LINGO2: variants seen among roughly 807,000 people sequenced by gnomAD.
LINGO2 encodes leucine rich repeat and Ig domain containing 2, also known as leucine-rich repeat and immunoglobulin-like domain-containing nogo receptor-interacting protein 2.
In LINGO2, 14 loss-of-function variants were observed where a neutral mutation model predicts 30.6. That is an observed-to-expected ratio of 0.46 (90% CI 0.30 to 0.72). The LOEUF (loss-of-function observed/expected upper bound fraction) is 0.72, where lower values mean the gene tolerates loss of function less well. Ranked by LOEUF, LINGO2 falls within the 30% of genes least tolerant of loss-of-function variation. LINGO2 has a pLI of 0.07. For synonymous variants in LINGO2, 317 were observed against 288.5 expected, an observed-to-expected ratio of 1.10 and a Z score of -1.00; for missense variants, 729 against 751.7, an observed-to-expected ratio of 0.97 and a Z score of 0.35.
At chr9:29,026,269 T>C in the LINGO2 span, among the ~76,000 whole-genome samples, 1 of 152,022 alleles carries the variant, frequency 6.6e-6, no homozygotes, top group Non-Finnish European at 1.5e-5. Flanking sequence ...GCTCAAGCAA[T>C]CCTCCCTCCT....
intron 4 of LINGO2, among the ~76,000 whole-genome samples, chr9:28,283,141 G>GA (rs1229781477): frequency 6.6e-6 from 1 of 152,146 alleles, no homozygotes; most frequent in Non-Finnish European, 1.5e-5. Flanking sequence ...CTTAGAGAAA[G>GA]AAAAATCCTA....
chr9:29,039,133 T>C, the LINGO2 span, among the ~76,000 whole-genome samples: 1 of 151,988 alleles, frequency 6.6e-6, no homozygotes, highest in Non-Finnish European at 1.5e-5. Flanking sequence ...GTTCTGAGAG[T>C]TTGAAAGATC....
rs980377144 is a variant in LINGO2, at chr9:28,350,802, T to A, written c.-246+22034A>T. Among the ~76,000 whole-genome samples the A allele has an allele frequency of 6.6e-4, 99 of 151,120 alleles. 1 individual carries two copies. The highest frequency in any genetic ancestry group is 2.2e-3 in the African/African-American group (92 of 41,218). ...AACAGAAATTATAACAAACTATCTC[T>A]CAGACCACAGTGCAATCAAACTAGA... On this transcript the variant is annotated intron_variant, in intron 3 of 5. Transcript: ENST00000379992.
intron 1 of LINGO2, among the ~76,000 whole-genome samples, chr9:28,476,415 A>G (rs991709164): frequency 2.6e-5 from 4 of 152,090 alleles, no homozygotes; most frequent in Non-Finnish European, 5.9e-5. Flanking sequence ...AGCTGGGACT[A>G]CAGGCGCCCG....
At chr9:28,456,275 A>G (rs1824842994) in intron 2 of LINGO2, among the ~76,000 whole-genome samples, 1 of 152,198 alleles carries the variant, frequency 6.6e-6, no homozygotes, top group Non-Finnish European at 1.5e-5. Context: ...ACACAAGGCA[A>G]CTACAGGGTC....
intron 4 of LINGO2, among the ~76,000 whole-genome samples, chr9:28,045,841 A>G (rs1434886912): frequency 2.0e-5 from 3 of 152,230 alleles, no homozygotes. Context: ...AACACTGATT[A>G]TCTCCTAGCT....
At chr9:28,958,359 A>G in the LINGO2 span, among the ~76,000 whole-genome samples, 1 of 152,204 alleles carries the variant, frequency 6.6e-6, no homozygotes, top group East Asian at 1.9e-4. Flanking sequence ...TAATAAGAGT[A>G]TCTAGGCAAA....
chr9:28,467,026 C>G, intron 2 of LINGO2, among the ~76,000 whole-genome samples: 1 of 140,598 alleles, frequency 7.1e-6, no homozygotes, highest in East Asian at 2.2e-4. Context: ...AGCTGACTCT[C>G]TTTTTTTTTG....
intron 3 of LINGO2, among the ~76,000 whole-genome samples, chr9:28,299,138 T>G (rs1231933065): frequency 6.6e-6 from 1 of 152,134 alleles, no homozygotes; most frequent in Admixed American, 6.6e-5. Context: ...ATCTTCCCCG[T>G]GGAGACATGT....
chr9:28,019,073 T>C (rs770162161), intron 4 of LINGO2, among the ~76,000 whole-genome samples: 9 of 151,980 alleles, frequency 5.9e-5, no homozygotes, highest in African/African-American at 1.5e-4. Context: ...GAGCCAAACA[T>C]TGAGTACACA....
At chr9:27,994,866 G>A (rs1367933527) in intron 5 of LINGO2, among the ~76,000 whole-genome samples, 1 of 152,118 alleles carries the variant, frequency 6.6e-6, no homozygotes, top group Non-Finnish European at 1.5e-5. Context: ...ATTCCCTTAA[G>A]CAGCTTGCAG....
At chr9:28,257,094 G>GTT (rs140718171) in intron 4 of LINGO2, among the ~76,000 whole-genome samples, 1 of 147,554 alleles carries the variant, frequency 6.8e-6, no homozygotes, top group Non-Finnish European at 1.5e-5. Context: ...GTTACTTTTA[G>GTT]TTTTTTTTTT....
the LINGO2 span, among the ~76,000 whole-genome samples, chr9:28,942,465 G>T: frequency 1.2e-4 from 19 of 152,154 alleles, no homozygotes; most frequent in African/African-American, 4.3e-4. Context: ...ATGGCTGACT[G>T]CATGGGCCAT....
At chr9:28,036,468 C>CA (rs147130143) in intron 4 of LINGO2, among the ~76,000 whole-genome samples, 5,758 of 152,146 alleles carry the variant, frequency 0.038, 148 homozygotes, top group South Asian at 0.067. Flanking sequence ...TTTAAGTTAT[C>CA]AATCTAGTTC....
the LINGO2 span, among the ~76,000 whole-genome samples, chr9:29,148,855 T>A: frequency 1.3e-5 from 2 of 152,184 alleles, no homozygotes; most frequent in Non-Finnish European, 2.9e-5. Flanking sequence ...ATAAAAGTAT[T>A]CACATACCAA....
chr9:28,882,367 C>T, the LINGO2 span, among the ~76,000 whole-genome samples: 2 of 152,150 alleles, frequency 1.3e-5, no homozygotes, highest in African/African-American at 4.8e-5. Context: ...TGAGTTTGAA[C>T]TCCAGCTCTG....
chr9:28,850,958 GTA>G, the LINGO2 span, among the ~76,000 whole-genome samples: 1 of 151,924 alleles, frequency 6.6e-6, no homozygotes. Context: ...ACTAAATGGC[GTA>G]TATGTGTTTA....
the LINGO2 span, among the ~76,000 whole-genome samples, chr9:29,029,390 T>G: frequency 2.0e-5 from 3 of 152,314 alleles, no homozygotes; most frequent in South Asian, 6.2e-4. Flanking sequence ...ACAGTAAGTA[T>G]AGTTATGCTA....
intron 4 of LINGO2, among the ~76,000 whole-genome samples, chr9:28,046,021 A>G (rs1024780360): frequency 5.3e-5 from 8 of 152,124 alleles, no homozygotes; most frequent in African/African-American, 1.7e-4. Flanking sequence ...AGGATGATCC[A>G]TGCCTCCACT....
Sources: gnomAD v4.1 joint callset for allele counts (sites outside exome capture counted in the v4.1 genomes callset) on GRCh38, gnomAD v4.1.1 for gene constraint, MANE v1.5 for transcripts, NCBI Gene and HGNC (gene_info 2026-07-23, HGNC 2026-07-21) for gene names.